The following RBM26 variants were observed in gnomAD, a reference collection of about 807,000 sequenced individuals.
RBM26 encodes RNA-binding protein 26.
In RBM26, 30 loss-of-function variants were observed where a neutral mutation model predicts 123.6. The observed-to-expected ratio is 0.24, with a 90% CI of 0.18 to 0.33. The LOEUF (loss-of-function observed/expected upper bound fraction) is 0.33, where lower values mean the gene tolerates loss of function less well. RBM26 is among the 10% of genes least tolerant of loss of function. RBM26 has a pLI of 1.00. For missense variants in RBM26, 947 were observed against 1,203.6 expected (o/e 0.79, Z 3.15); for synonymous variants, 400 against 404.4 (o/e 0.99, Z 0.13).
intron 16 of RBM26, 72 bp downstream of exon 16, chr13:79,344,176 G>C (rs367972082): frequency 2.1e-5 from 19 of 913,302 alleles, no homozygotes; most frequent in East Asian, 1.7e-4. Flanking sequence ...TTTATGACTA[G>C]GTAGCATAAG....
At chr13:79,335,808 T>C (rs2070266976) in intron 19 of RBM26, among the ~76,000 whole-genome samples, 1 of 152,172 alleles carries the variant, frequency 6.6e-6, no homozygotes, top group South Asian at 2.1e-4. Context: ...TCATTGTTAG[T>C]TTCCTGATTA....
At chr13:79,334,979 A>G (rs543149147) in intron 19 of RBM26, among the ~76,000 whole-genome samples, 4 of 152,274 alleles carry the variant, frequency 2.6e-5, no homozygotes, top group South Asian at 4.1e-4. Context: ...ACTGTACTTT[A>G]TAGTTGTTTA....
intron 1 of RBM26, among the ~76,000 whole-genome samples, chr13:79,387,293 A>AT (rs1477184702): frequency 9.7e-3 from 3 of 308 alleles, no homozygotes. Context: ...GAACTATGAT[A>AT]AAAAAAAATG....
chr13:79,343,400 C>A (rs1224510303), intron 16 of RBM26, among the ~76,000 whole-genome samples: 1 of 151,798 alleles, frequency 6.6e-6, no homozygotes, highest in Non-Finnish European at 1.5e-5. Flanking sequence ...TGTAGGTTTC[C>A]TGAATTAGGA....
In RBM26 at chr13:79,319,902, T is replaced by C; in HGVS notation, c.*719A>G. 1 of 954,520 alleles carries C rather than the reference T, an allele frequency of 1.0e-6. No homozygotes were observed. The highest frequency in any genetic ancestry group is 1.2e-6 in the Non-Finnish European group (1 of 803,738). 59.1% of individuals were successfully genotyped at this position (954,520 alleles called of 1,614,324 possible). ...ATGGTCTATTTTAATTTTTTTCTTT[T>C]CTTTTTTCTTTTCTTTTTTTTTTTA... On this transcript the variant is annotated 3_prime_UTR_variant, in exon 22 of 22. Coordinates refer to ENST00000438737, the MANE Select transcript of RBM26 (RefSeq NM_001366735.2).
At chr13:79,351,729 G>GATT (rs1226083574) in intron 14 of RBM26, among the ~76,000 whole-genome samples, 1 of 152,140 alleles carries the variant, frequency 6.6e-6, no homozygotes, top group East Asian at 1.9e-4. Flanking sequence ...TAGAGCAGAA[G>GATT]TAATAGAACC....
intron 3 of RBM26, among the ~76,000 whole-genome samples, chr13:79,373,703 A>T (rs1319327535): frequency 3.8e-5 from 4 of 106,122 alleles, no homozygotes; most frequent in East Asian, 2.1e-4. Flanking sequence ...ATAATATTTT[A>T]TATATATATA....
At chr13:79,357,969 G>C (rs369533305) in intron 11 of RBM26, among the ~76,000 whole-genome samples, 170 of 149,326 alleles carry the variant, frequency 1.1e-3, no homozygotes, top group African/African-American at 4.0e-3. Context: ...TGCAACCTTA[G>C]CCTCCCAGAT....
intron 1 of RBM26, 24 bp downstream of exon 1, chr13:79,405,678 CAA>C: frequency 1.3e-6 from 2 of 1,545,632 alleles, no homozygotes; most frequent in Non-Finnish European, 1.8e-6. Flanking sequence ...GCCATCCCTG[CAA>C]AGAGATATCC....
intron 17 of RBM26, 40 bp from the exon 18 acceptor site, chr13:79,341,267 C>T (rs772594472): frequency 3.8e-6 from 5 of 1,298,780 alleles, no homozygotes; most frequent in South Asian, 1.2e-5. Flanking sequence ...ACAGTAATTA[C>T]TATCCTGTAT....
chr13:79,342,338 C>T (rs1260902109), intron 17 of RBM26, among the ~76,000 whole-genome samples: 1 of 151,754 alleles, frequency 6.6e-6, no homozygotes, highest in Non-Finnish European at 1.5e-5. Context: ...TCATACTTGT[C>T]TATTATTAAC....
intron 9 of RBM26, among the ~76,000 whole-genome samples, chr13:79,364,629 G>C (rs1002832362): frequency 7.2e-5 from 11 of 152,014 alleles, no homozygotes; most frequent in African/African-American, 2.7e-4. Flanking sequence ...AAATTAATGT[G>C]AACTTTCTCC....
intron 2 of RBM26, 86 bp downstream of exon 2, chr13:79,378,703 G>A: frequency 1.3e-6 from 1 of 753,496 alleles, no homozygotes; most frequent in Non-Finnish European, 2.1e-6. Context: ...GCCTCCCAAA[G>A]TGCTAGGATT....
chr13:79,373,928 G>A (rs984117113), intron 3 of RBM26, among the ~76,000 whole-genome samples: 2 of 149,684 alleles, frequency 1.3e-5, no homozygotes, highest in African/African-American at 4.9e-5. Context: ...TGAGAATAAT[G>A]GTCCTCAACA....
chr13:79,346,363 T>C (rs2072328650), intron 14 of RBM26, among the ~76,000 whole-genome samples: 1 of 152,140 alleles, frequency 6.6e-6, no homozygotes, highest in South Asian at 2.1e-4. Context: ...CAATATTTGA[T>C]GTGTATTAAA....
At chr13:79,349,110 T>C (rs1331148516) in intron 14 of RBM26, among the ~76,000 whole-genome samples, 1 of 152,214 alleles carries the variant, frequency 6.6e-6, no homozygotes, top group Non-Finnish European at 1.5e-5. Context: ...TCTGTGTATT[T>C]ATCATGTACA....
At chr13:79,345,225 T>C (rs1376096340) in intron 14 of RBM26, among the ~76,000 whole-genome samples, 1 of 151,940 alleles carries the variant, frequency 6.6e-6, no homozygotes, top group Non-Finnish European at 1.5e-5. Context: ...TACTGAAACA[T>C]ACCCTATTGC....
At position 79,344,659 on chromosome 13, in the gene RBM26, T is replaced by C; in HGVS notation, c.2184+10A>G. On this transcript the variant is annotated intron_variant, in intron 15 of 21. Transcript: ENST00000438737. ...GCAAAAATTTTTTATACTATACCAGTTGTACTTACCTGTTTTTTTTTCTGT... is the reference window on the plus strand; with the variant it reads ...GCAAAAATTTTTTATACTATACCAGCTGTACTTACCTGTTTTTTTTTCTGT... 1 of 1,608,590 alleles carries C rather than the reference T, an allele frequency of 6.2e-7. No homozygotes were observed. Among genetic ancestry groups the C allele is most frequent in the South Asian group, 1.1e-5 (1 of 89,708 alleles).
intron 1 of RBM26, among the ~76,000 whole-genome samples, chr13:79,385,672 TTA>T (rs2077419418): frequency 6.6e-6 from 1 of 152,176 alleles, no homozygotes; most frequent in Admixed American, 6.5e-5. Flanking sequence ...GAGAAAAAAT[TTA>T]GTTTAGTTTG....
Sources: gnomAD v4.1 joint callset for allele counts (sites outside exome capture counted in the v4.1 genomes callset) on GRCh38, gnomAD v4.1.1 for gene constraint, MANE v1.5 for transcripts, NCBI Gene and HGNC (gene_info 2026-07-23, HGNC 2026-07-21) for gene names.